OR2L13: variants seen among roughly 807,000 people sequenced by gnomAD.
OR2L13 encodes the protein olfactory receptor 2L13.
OR2L13 carries 14 observed loss-of-function variants against 15.3 expected under a neutral mutation model. That is an observed-to-expected ratio of 0.91 (90% CI 0.60 to 1.43). The LOEUF is 1.43. OR2L13 is among the 40% of genes most tolerant of loss of function. The probability of loss-of-function intolerance (pLI) is 0.00; values close to 1 mark genes in which losing one functional copy is unlikely to be tolerated. For synonymous variants in OR2L13, 152 were observed against 142.9 expected (o/e 1.06, Z -0.45); for missense variants, 367 against 387.9 (o/e 0.95, Z 0.45).
chr1:248,038,451 C>T, the OR2L13 span: 7 of 1,613,798 alleles, frequency 4.3e-6, no homozygotes, highest in Non-Finnish European at 5.9e-6. Context: ...GTATTTCCTA[C>T]TTAGTCAGCT....
the OR2L13 span, among the ~76,000 whole-genome samples, chr1:247,994,308 A>G: frequency 0.034 from 5,148 of 152,116 alleles, 243 homozygotes; most frequent in African/African-American, 0.12. Context: ...GAGGCAGGAG[A>G]ATGGCGTGAA....
the OR2L13 span, among the ~76,000 whole-genome samples, chr1:247,960,221 C>T: frequency 2.0e-5 from 3 of 152,170 alleles, no homozygotes; most frequent in Non-Finnish European, 2.9e-5. Flanking sequence ...ACCCTGTTTA[C>T]CTGGGTATCA....
the OR2L13 span, among the ~76,000 whole-genome samples, chr1:247,944,987 T>A: frequency 6.6e-6 from 1 of 152,124 alleles, no homozygotes; most frequent in African/African-American, 2.4e-5. Flanking sequence ...TTTGAAGGGT[T>A]TTTTGTGTCT....
At chr1:247,996,956 A>G in the OR2L13 span, 2 of 152,172 alleles carry the variant, frequency 1.3e-5, no homozygotes, top group African/African-American at 4.8e-5. Flanking sequence ...AACTACCCTG[A>G]CTGGATCATT....
the OR2L13 span, chr1:248,022,254 T>A: frequency 6.2e-7 from 1 of 1,614,192 alleles, no homozygotes; most frequent in Middle Eastern, 1.7e-4. Context: ...GAGTTTCTTC[T>A]TCATGACTTT....
At chr1:248,054,157 G>A in the OR2L13 span, among the ~76,000 whole-genome samples, 2,145 of 152,218 alleles carry the variant, frequency 0.014, 62 homozygotes, top group African/African-American at 0.048. Context: ...AAGGAATCCA[G>A]TTTCTATTTT....
chr1:247,962,742 T>A, the OR2L13 span, among the ~76,000 whole-genome samples: 765 of 152,304 alleles, frequency 5.0e-3, 4 homozygotes, highest in African/African-American at 0.017. Context: ...ATTGACTTTC[T>A]ACAAATCGCC....
chr1:247,970,866 C>T, the OR2L13 span, among the ~76,000 whole-genome samples: 1 of 152,272 alleles, frequency 6.6e-6, no homozygotes, highest in Admixed American at 6.5e-5. Context: ...ATCTTTATGG[C>T]TTCATGCATG....
At chr1:248,069,898 A>C in the OR2L13 span, among the ~76,000 whole-genome samples, 1 of 152,208 alleles carries the variant, frequency 6.6e-6, no homozygotes, top group Non-Finnish European at 1.5e-5. Context: ...ATAATGGTAA[A>C]GGGATCAATT....
chr1:248,085,346 A>T, the OR2L13 span, among the ~76,000 whole-genome samples: 5 of 150,786 alleles, frequency 3.3e-5, no homozygotes, highest in East Asian at 9.7e-4. Context: ...GCCCTGGTAT[A>T]CTTATGTAAC....
At chr1:248,000,137 T>G in the OR2L13 span, among the ~76,000 whole-genome samples, 1 of 151,454 alleles carries the variant, frequency 6.6e-6, no homozygotes, top group East Asian at 1.9e-4. Flanking sequence ...TGTGTGTGTG[T>G]GTGTAAATCC....
the OR2L13 span, among the ~76,000 whole-genome samples, chr1:248,044,317 A>G: frequency 2.0e-5 from 3 of 152,282 alleles, no homozygotes; most frequent in Non-Finnish European, 2.9e-5. Flanking sequence ...TCTCCCTTAT[A>G]TATTGGGCCT....
the OR2L13 span, chr1:248,003,836 G>A: frequency 1.9e-6 from 3 of 1,613,394 alleles, no homozygotes; most frequent in Non-Finnish European, 1.7e-6. Context: ...GAAGAAGAAG[G>A]CCTACCTGAC....
the OR2L13 span, among the ~76,000 whole-genome samples, chr1:248,082,740 T>C: frequency 3.5e-3 from 536 of 152,306 alleles, 5 homozygotes; most frequent in African/African-American, 0.012. Flanking sequence ...ATTAGAAATA[T>C]CTCTACTCAC....
the OR2L13 span, among the ~76,000 whole-genome samples, chr1:248,053,184 TA>T: frequency 6.6e-6 from 1 of 152,206 alleles, no homozygotes; most frequent in African/African-American, 2.4e-5. Flanking sequence ...AGCTCCCACT[TA>T]TAAGCGAGAA....
the OR2L13 span, among the ~76,000 whole-genome samples, chr1:248,078,083 G>A: frequency 6.6e-6 from 1 of 152,148 alleles, no homozygotes; most frequent in South Asian, 2.1e-4. Context: ...TTAAATCTGT[G>A]ATAAAATAAA....
chr1:248,022,993 A>T, the OR2L13 span: 1 of 1,024,068 alleles, frequency 9.8e-7, no homozygotes, highest in Non-Finnish European at 1.4e-6. Flanking sequence ...ACAGAGATTA[A>T]TCCAGAATGT....
At chr1:247,980,882 C>G in the OR2L13 span, 1 of 152,152 alleles carries the variant, frequency 6.6e-6, no homozygotes, top group African/African-American at 2.4e-5. Flanking sequence ...GCCTGTACGA[C>G]TCCTCACAGC....
chr1:247,964,918 AAT>A, the OR2L13 span, among the ~76,000 whole-genome samples: 1 of 149,312 alleles, frequency 6.7e-6, no homozygotes, highest in Non-Finnish European at 1.5e-5. Flanking sequence ...ACACATGAGT[AAT>A]ATGTTTATAG....
Sources: gnomAD v4.1 joint callset for allele counts (sites outside exome capture counted in the v4.1 genomes callset) on GRCh38, gnomAD v4.1.1 for gene constraint, MANE v1.5 for transcripts, NCBI Gene and HGNC (gene_info 2026-07-23, HGNC 2026-07-21) for gene names.